The following HMGCS2 variants were observed in gnomAD, a reference collection of about 807,000 sequenced individuals.
HMGCS2 encodes the protein 3-hydroxy-3-methylglutaryl-CoA synthase 2, also known as hydroxymethylglutaryl-CoA synthase, mitochondrial.
Under a neutral mutation model 57.4 loss-of-function variants are expected in HMGCS2, and 50 were observed. The ratio of observed to expected loss-of-function variants is 0.87; its 90% CI spans 0.69 to 1.10. The LOEUF is 1.10. HMGCS2 is among the 50% of genes least tolerant of loss of function. The pLI is 0.00. For missense variants in HMGCS2, 627 were observed against 636.5 expected (o/e 0.99, Z 0.16); for synonymous variants, 254 against 245.1 (o/e 1.04, Z -0.34).
At chr1:119,754,015 CTGAGT>C (rs1652749943) in intron 6 of HMGCS2, among the ~76,000 whole-genome samples, 3 of 151,454 alleles carry the variant, frequency 2.0e-5, no homozygotes, top group African/African-American at 7.3e-5. Flanking sequence ...ATTCAGGATC[CTGAGT>C]AGCTGGGACT....
intron 5 of HMGCS2, 149 bp downstream of exon 5, chr1:119,757,124 C>A: frequency 1.6e-6 from 2 of 1,283,854 alleles, no homozygotes; most frequent in Non-Finnish European, 2.2e-6. Context: ...CCCACTACCC[C>A]GTGGAAGGAC....
chr1:119,758,051 C>A (rs1490874132), intron 4 of HMGCS2, among the ~76,000 whole-genome samples: 1 of 152,228 alleles, frequency 6.6e-6, no homozygotes, highest in East Asian at 1.9e-4. Flanking sequence ...TCACCTCTGG[C>A]AGGTGGTGTC....
Position 119,755,609 on chromosome 1 carries a change from C to T in HMGCS2, c.1017-12G>A, listed in dbSNP as rs375873510. 19 of 1,613,722 alleles carry T rather than the reference C, an allele frequency of 1.2e-5. No individual in the cohort carries two copies. The African/African-American group carries it at 2.5e-4, about 22-fold the overall frequency. On this transcript the variant is annotated splice_polypyrimidine_tract_variant and intron_variant, in intron 5 of 9. Coordinates refer to ENST00000369406, the MANE Select transcript of HMGCS2 (RefSeq NM_005518.4). The stretch of plus-strand genomic sequence containing the variant: ...CCAGCTTTAGCCCCCTGTGAGGTAG[C>T]CAGAGGTAGCCATGTGAGAGGCCAG...
At chr1:119,753,877 G>GTT (rs35851230) in intron 6 of HMGCS2, among the ~76,000 whole-genome samples, 9 of 148,266 alleles carry the variant, frequency 6.1e-5, no homozygotes, top group Admixed American at 2.0e-4. Flanking sequence ...TTTCCTGCCC[G>GTT]TTTTTTTTTT....
At chr1:119,767,278 A>T (rs587634390) in intron 1 of HMGCS2, among the ~76,000 whole-genome samples, 1 of 152,300 alleles carries the variant, frequency 6.6e-6, no homozygotes, top group African/African-American at 2.4e-5. Context: ...GGAAGCAGAG[A>T]TTTCAGTGGG....
chr1:119,765,330 G>T (rs1279547080), intron 1 of HMGCS2, among the ~76,000 whole-genome samples: 3 of 152,098 alleles, frequency 2.0e-5, no homozygotes, highest in African/African-American at 7.2e-5. Context: ...GGATGGTCTC[G>T]ATCTCCTGAT....
At chr1:119,754,258 T>C (rs1422902710) in intron 6 of HMGCS2, among the ~76,000 whole-genome samples, 1 of 152,154 alleles carries the variant, frequency 6.6e-6, no homozygotes, top group African/African-American at 2.4e-5. Flanking sequence ...GGTTTTGCCA[T>C]GTTGGCCAGG....
chr1:119,761,059 C>T (rs1228367664), intron 2 of HMGCS2, among the ~76,000 whole-genome samples: 1 of 150,264 alleles, frequency 6.7e-6, no homozygotes, highest in Non-Finnish European at 1.5e-5. Flanking sequence ...GTTTTCTTCC[C>T]CAATGCTATG....
intron 1 of HMGCS2, among the ~76,000 whole-genome samples, chr1:119,768,484 C>G (rs776185792): frequency 6.6e-6 from 1 of 152,210 alleles, no homozygotes; most frequent in Non-Finnish European, 1.5e-5. Flanking sequence ...CTGCTTCATG[C>G]AGCTGGCAGA....
At chr1:119,755,401 G>T (rs768051926) in intron 6 of HMGCS2, 26 bp downstream of exon 6, 3 of 1,610,990 alleles carry the variant, frequency 1.9e-6, no homozygotes, top group Non-Finnish European at 2.5e-6. Context: ...GTGCATGGAG[G>T]ACATGGAGCC....
chr1:119,753,302 T>C lies in HMGCS2; in HGVS notation c.1272A>G (p.Arg424=), dbSNP rs186771480. 1 of 1,612,664 alleles carries C rather than the reference T, an allele frequency of 6.2e-7. No homozygotes were observed. The highest frequency in any genetic ancestry group is 8.5e-7 in the Non-Finnish European group (1 of 1,179,062). The change falls in exon 7 of 10, where the codon CGA becomes CGG. Residue 424 remains arginine, a synonymous_variant. Coordinates refer to ENST00000369406, the MANE Select transcript of HMGCS2 (RefSeq NM_005518.4). ...CACCTGGAGCAGCATCCTGGGATACTCGAAATGAAAAGAAACTTGCTGCTA... is the reference window on the plus strand; with the variant it reads ...CACCTGGAGCAGCATCCTGGGATACCCGAAATGAAAAGAAACTTGCTGCTA... ...SGLAASFFSF[R]VSQDAAPGSP...
chr1:119,759,266 A>T lies in HMGCS2; in HGVS notation c.702T>A (p.His234Gln). The part of the protein sequence containing the change: ...LALERGLRGT[H>Q]MENVYDFYKP... ...TGTAGAAGTCATACACATTCTCCAT[A>T]TGGGTTCCCCTCAGCCCTGGAAAGG... The change falls in exon 4 of 10, where the codon CAT becomes CAA. Residue 234 changes from histidine (H) to glutamine (Q), a missense_variant. Transcript: ENST00000369406. 1.1e-5 allele frequency: 17 copies of T among 1,613,906 alleles called. No individual in the cohort carries two copies. The highest frequency in any genetic ancestry group is 1.4e-5 in the Non-Finnish European group (16 of 1,179,872).
At chr1:119,752,399 G>T in intron 8 of HMGCS2, 150 bp downstream of exon 8, 1 of 914,984 alleles carries the variant, frequency 1.1e-6, no homozygotes, top group Non-Finnish European at 1.8e-6. Context: ...TTGCCCCTTT[G>T]GACAACAGAT....
chr1:119,761,697 A>G (rs1033443224), intron 2 of HMGCS2, among the ~76,000 whole-genome samples: 1 of 152,016 alleles, frequency 6.6e-6, no homozygotes, highest in Non-Finnish European at 1.5e-5. Context: ...CCTGGGAGGC[A>G]GAGGTTGCAG....
intron 1 of HMGCS2, among the ~76,000 whole-genome samples, chr1:119,765,698 G>A (rs1475472433): frequency 6.6e-6 from 1 of 152,158 alleles, no homozygotes; most frequent in Non-Finnish European, 1.5e-5. Context: ...AGCCCTTATA[G>A]GGCATAATTA....
At chr1:119,753,204 G>T in intron 7 of HMGCS2, 76 bp downstream of exon 7, 2 of 876,796 alleles carry the variant, frequency 2.3e-6, no homozygotes, top group Admixed American at 1.9e-5. Context: ...GGCAGCCTCA[G>T]TAATGGTGGG....
intron 5 of HMGCS2, among the ~76,000 whole-genome samples, chr1:119,756,563 C>A (rs1652844492): frequency 6.6e-6 from 1 of 152,126 alleles, no homozygotes; most frequent in African/African-American, 2.4e-5. Context: ...TTGAAATAAA[C>A]AGGTACCAAG....
intron 5 of HMGCS2, 39 bp from the exon 6 acceptor site, chr1:119,755,636 G>A: frequency 2.5e-6 from 4 of 1,604,982 alleles, no homozygotes; most frequent in Non-Finnish European, 3.4e-6. Flanking sequence ...AGAGGCCAGG[G>A]GACGGGAGGC....
intron 5 of HMGCS2, among the ~76,000 whole-genome samples, chr1:119,756,626 T>C (rs587684713): frequency 6.6e-6 from 1 of 152,352 alleles, no homozygotes; most frequent in East Asian, 1.9e-4. Context: ...GACATTTCTT[T>C]GTAAATATTA....
Sources: allele counts gnomAD v4.1 joint callset (sites outside exome capture counted in the v4.1 genomes callset), GRCh38; gene constraint gnomAD v4.1.1; transcripts MANE v1.5; gene names NCBI Gene and HGNC (gene_info 2026-07-23, HGNC 2026-07-21).